TJP2: variants seen among roughly 807,000 people sequenced by gnomAD.
TJP2 encodes the protein Friedreich ataxia region gene X104 (tight junction protein ZO-2).
A neutral mutation model predicts 133.1 loss-of-function variants in TJP2; 91 were observed. That is an observed-to-expected ratio of 0.68 (90% CI 0.58 to 0.81). The LOEUF is 0.81. Ranked by LOEUF, TJP2 falls within the 40% of genes least tolerant of loss-of-function variation. The pLI is 0.00. For missense variants in TJP2, 1,541 were observed against 1,565.6 expected (o/e 0.98, Z 0.26); for synonymous variants, 592 against 583.4 (o/e 1.01, Z -0.21).
At chr9:69,143,964 A>G (rs1430407720) in intron 1 of TJP2, among the ~76,000 whole-genome samples, 2 of 152,212 alleles carry the variant, frequency 1.3e-5, no homozygotes, top group African/African-American at 4.8e-5. Flanking sequence ...TTAGTTCTCA[A>G]GGTAAATATT....
At chr9:69,249,082 A>G in intron 19 of TJP2, 1 of 1,136,166 alleles carries the variant, frequency 8.8e-7, no homozygotes, top group Non-Finnish European at 1.1e-6. Context: ...AGAATAAATT[A>G]ACTTCCAAAT....
rs200531230 is a variant in TJP2, at chr9:69,229,205, C to T, written c.1475C>T (p.Pro492Leu). The T allele has an allele frequency of 9.3e-6, 15 of 1,613,992 alleles. No homozygotes were observed. Among genetic ancestry groups the T allele is most frequent in the Admixed American group, 5.0e-5 (3 of 60,002 alleles). ...DPPAPQPKAA[P>L]RTFLRPSPED... ...ACAGCTCCTCAACCAAAAGCAGCCCCGAGAACTTTTCTTCGTCCTAGTCCT... is the reference window on the plus strand; with the variant it reads ...ACAGCTCCTCAACCAAAAGCAGCCCTGAGAACTTTTCTTCGTCCTAGTCCT... The change falls in exon 10 of 23, where the codon CCG becomes CTG. Residue 492 changes from proline to leucine, a missense_variant. Coordinates refer to ENST00000377245, the MANE Select transcript of TJP2 (RefSeq NM_004817.4).
chr9:69,179,982 A>T (rs1436362595), intron 1 of TJP2, among the ~76,000 whole-genome samples: 1 of 152,188 alleles, frequency 6.6e-6, no homozygotes, highest in East Asian at 1.9e-4. Flanking sequence ...AGAATTAATT[A>T]GTGTGGTAAT....
At chr9:69,225,283 G>A (rs369781021) in intron 5 of TJP2, 21 bp from the exon 6 acceptor site, 7 of 1,497,980 alleles carry the variant, frequency 4.7e-6, no homozygotes, top group African/African-American at 4.1e-5. Flanking sequence ...ATACGTGTAT[G>A]TTTATGTGTT....
chr9:69,216,059 G>A (rs1321151164), intron 2 of TJP2, among the ~76,000 whole-genome samples: 2 of 152,296 alleles, frequency 1.3e-5, no homozygotes, highest in African/African-American at 4.8e-5. Flanking sequence ...TGAAGACATT[G>A]TTTCCTATCC....
At chr9:69,191,839 C>A (rs542802908) in intron 1 of TJP2, among the ~76,000 whole-genome samples, 4 of 151,928 alleles carry the variant, frequency 2.6e-5, no homozygotes, top group African/African-American at 9.7e-5. Flanking sequence ...CAGGTTCAAG[C>A]GATTTTCCTG....
At chr9:69,224,048 GTTTA>G (rs1001872811) in intron 5 of TJP2, among the ~76,000 whole-genome samples, 36 of 152,308 alleles carry the variant, frequency 2.4e-4, no homozygotes, top group African/African-American at 8.2e-4. Context: ...ATTTTTACAA[GTTTA>G]TTAAGTAAAA....
At chr9:69,238,180 A>G (rs535379525) in intron 15 of TJP2, among the ~76,000 whole-genome samples, 1 of 152,286 alleles carries the variant, frequency 6.6e-6, no homozygotes, top group East Asian at 1.9e-4. Flanking sequence ...AAATTTCTGC[A>G]GAATCATTTA....
intron 1 of TJP2, among the ~76,000 whole-genome samples, chr9:69,179,206 G>A (rs1564407221): frequency 6.6e-6 from 1 of 152,220 alleles, no homozygotes; most frequent in African/African-American, 2.4e-5. Context: ...CTTTCAATTA[G>A]TAACTTGTAC....
chr9:69,160,728 C>T lies in TJP2; in HGVS notation c.-10+8957C>T, dbSNP rs1030553204. Reference sequence around the variant, plus strand: ...AAGAGGTTTAATTGGACTCACAGTTCCACATGGCTGGGGAGGCCTCACAAT... The same window carrying T: ...AAGAGGTTTAATTGGACTCACAGTTTCACATGGCTGGGGAGGCCTCACAAT... On this transcript the variant is annotated intron_variant, in intron 2 of 5. Coordinates refer to the TJP2 transcript ENST00000423935. 6.6e-5 allele frequency among the ~76,000 whole-genome samples: 10 copies of T among 152,322 alleles called. No homozygotes were observed. In the East Asian group the frequency reaches 1.9e-3, roughly 29 times the overall value.
chr9:69,157,126 G>T (rs988384635), intron 2 of TJP2, among the ~76,000 whole-genome samples: 4 of 152,174 alleles, frequency 2.6e-5, no homozygotes, highest in African/African-American at 9.7e-5. Flanking sequence ...CCCGGCCAAG[G>T]AGGAAGTCCA....
intron 22 of TJP2, chr9:69,253,912 G>A (rs994457160): frequency 2.2e-6 from 1 of 453,004 alleles, no homozygotes; most frequent in Non-Finnish European, 4.1e-6. Flanking sequence ...CCTCGCTGCT[G>A]GGTGAGACTA....
chr9:69,220,763 T>G, intron 4 of TJP2, 124 bp from the exon 5 acceptor site: 1 of 910,284 alleles, frequency 1.1e-6, no homozygotes, highest in Non-Finnish European at 1.7e-6. Context: ...ATGAGGAACC[T>G]GAACCTTAGT....
Position 69,186,936 on chromosome 9 carries a change from G to T in TJP2, c.60+12504G>T, listed in dbSNP as rs1825897739. On this transcript the variant is annotated intron_variant, in intron 1 of 22. Coordinates refer to ENST00000377245, the MANE Select transcript of TJP2 (RefSeq NM_004817.4). The stretch of plus-strand genomic sequence containing the variant: ...CAATCAGGAATTTGTTAGTCACCTG[G>T]TTTTTAAAGATAAATTTCTCTGTGG... Among the ~76,000 whole-genome samples the T allele has an allele frequency of 3.3e-5, 5 of 152,258 alleles. No individual in the cohort carries two copies. The South Asian group carries it at 1.0e-3, about 32-fold the overall frequency.
At chr9:69,218,202 T>A in intron 3 of TJP2, 55 bp from the exon 4 acceptor site, 1 of 1,379,424 alleles carries the variant, frequency 7.2e-7, no homozygotes, top group South Asian at 1.2e-5. Context: ...AAATAAATAA[T>A]TTACAATGAA....
At chr9:69,138,408 A>G (rs1822868041) in intron 1 of TJP2, among the ~76,000 whole-genome samples, 1 of 151,728 alleles carries the variant, frequency 6.6e-6, no homozygotes, top group Non-Finnish European at 1.5e-5. Flanking sequence ...GATCCAGGCC[A>G]TCAGGAACTT....
chr9:69,147,772 AG>A (rs1823278272), intron 1 of TJP2, among the ~76,000 whole-genome samples: 1 of 152,218 alleles, frequency 6.6e-6, no homozygotes, highest in Non-Finnish European at 1.5e-5. Flanking sequence ...GCCCTTAATA[AG>A]GGAAGTTGAA....
chr9:69,142,386 G>A (rs1214775319), intron 1 of TJP2, among the ~76,000 whole-genome samples: 2 of 152,118 alleles, frequency 1.3e-5, no homozygotes, highest in South Asian at 2.1e-4. Flanking sequence ...TTTACATCAC[G>A]TAATCTGCTT....
At chr9:69,206,324 ACT>A (rs942759144) in intron 1 of TJP2, among the ~76,000 whole-genome samples, 2 of 151,670 alleles carry the variant, frequency 1.3e-5, no homozygotes, top group African/African-American at 4.8e-5. Flanking sequence ...CTGCGTCCCC[ACT>A]CTGCCCACCG....
Sources: allele counts gnomAD v4.1 joint callset (sites outside exome capture counted in the v4.1 genomes callset), GRCh38; gene constraint gnomAD v4.1.1; transcripts MANE v1.5; gene names NCBI Gene and HGNC (gene_info 2026-07-23, HGNC 2026-07-21).